The following M1AP variants were observed in gnomAD, a reference collection of about 807,000 sequenced individuals.
M1AP encodes meiosis 1 associated protein.
Under a neutral mutation model 51.2 loss-of-function variants are expected in M1AP, and 39 were observed. The ratio of observed to expected loss-of-function variants is 0.76; its 90% CI spans 0.59 to 1.00. The LOEUF (loss-of-function observed/expected upper bound fraction) is 1.00, where lower values mean the gene tolerates loss of function less well. M1AP is among the 50% of genes least tolerant of loss of function. The pLI is 0.00. For synonymous variants in M1AP, 251 were observed against 249.2 expected (o/e 1.01, Z -0.07); for missense variants, 545 against 641.2 (o/e 0.85, Z 1.62).
At chr2:74,560,036 G>A in intron 9 of M1AP, 115 bp downstream of exon 9, 5 of 1,183,008 alleles carry the variant, frequency 4.2e-6, no homozygotes, top group Middle Eastern at 2.8e-4. Flanking sequence ...CTGGAGGAAG[G>A]CTACTCCCTT....
chr2:74,583,316 C>T (rs1270364610), intron 4 of M1AP, among the ~76,000 whole-genome samples: 1 of 152,170 alleles, frequency 6.6e-6, no homozygotes, highest in African/African-American at 2.4e-5. Context: ...GAGCATCAGT[C>T]ATTGGCATAC....
At chr2:74,605,756 C>T (rs1310772404) in intron 4 of M1AP, among the ~76,000 whole-genome samples, 1 of 152,050 alleles carries the variant, frequency 6.6e-6, no homozygotes, top group Non-Finnish European at 1.5e-5. Context: ...AAAAAATTAG[C>T]TGGGCTTGGT....
At chr2:74,581,896 G>A (rs1679430541) in intron 4 of M1AP, 49 bp from the exon 5 acceptor site, 7 of 1,538,086 alleles carry the variant, frequency 4.6e-6, no homozygotes, top group South Asian at 1.2e-5. Context: ...TAAATTTTGA[G>A]TAATATAAAA....
intron 3 of M1AP, among the ~76,000 whole-genome samples, chr2:74,612,708 C>T (rs1213493944): frequency 6.6e-6 from 1 of 152,024 alleles, no homozygotes; most frequent in African/African-American, 2.4e-5. Flanking sequence ...ATTGTATATC[C>T]ATTTTCATTT....
intron 4 of M1AP, among the ~76,000 whole-genome samples, chr2:74,595,183 T>G (rs1680258938): frequency 1.3e-5 from 2 of 151,984 alleles, no homozygotes; most frequent in South Asian, 4.2e-4. Flanking sequence ...ACCTGGCTAA[T>G]TTTTTGATTT....
intron 7 of M1AP, among the ~76,000 whole-genome samples, chr2:74,571,179 G>C (rs1420078631): frequency 1.3e-5 from 2 of 152,192 alleles, no homozygotes; most frequent in African/African-American, 4.8e-5. Context: ...TACTGAAGAA[G>C]TCTTGGTGAG....
intron 4 of M1AP, among the ~76,000 whole-genome samples, chr2:74,595,400 G>A (rs1383661315): frequency 6.6e-6 from 1 of 152,098 alleles, no homozygotes; most frequent in Non-Finnish European, 1.5e-5. Context: ...CACCCAGGCT[G>A]GAGTGCAGTG....
At chr2:74,583,033 T>A (rs1679506255) in intron 4 of M1AP, among the ~76,000 whole-genome samples, 1 of 150,742 alleles carries the variant, frequency 6.6e-6, no homozygotes, top group African/African-American at 2.4e-5. Context: ...AATAAATAAA[T>A]AAAATAAATA....
At chr2:74,617,824 A>G (rs1268825339) in intron 2 of M1AP, among the ~76,000 whole-genome samples, 1 of 152,250 alleles carries the variant, frequency 6.6e-6, no homozygotes, top group African/African-American at 2.4e-5. Flanking sequence ...TATAATAAAT[A>G]TACAAATCCT....
At chr2:74,638,162 C>T (rs1553420441) in intron 2 of M1AP, among the ~76,000 whole-genome samples, 1 of 151,892 alleles carries the variant, frequency 6.6e-6, no homozygotes, top group Non-Finnish European at 1.5e-5. Context: ...TCAAGCGATT[C>T]TCCCGCCTCA....
chr2:74,562,535 C>T lies in M1AP; in HGVS notation c.1075-112G>A. 3 of 1,168,062 alleles carry T rather than the reference C, an allele frequency of 2.6e-6. No homozygotes were observed. In the South Asian group the frequency reaches 4.5e-5, roughly 18 times the overall value. The allele number at this position is 1,168,062 out of a possible 1,614,324, so 72.4% of individuals were successfully genotyped here. A position where few individuals can be genotyped will look rare whatever the true frequency, so the allele number is the denominator to read the frequency against. On this transcript the variant is annotated intron_variant, in intron 7 of 10. Transcript: ENST00000421985. The stretch of plus-strand genomic sequence containing the variant: ...TCCAGGGGTGCTGAGGAGGGCAGAG[C>T]CATTTAACTTCGGCCCTGGTAGGGA...
intron 4 of M1AP, among the ~76,000 whole-genome samples, chr2:74,596,586 G>GAAC (rs202200009): frequency 0.091 from 13,768 of 150,654 alleles, 874 homozygotes; most frequent in East Asian, 0.36. Context: ...CATCTCAAAA[G>GAAC]AACAACAACA....
chr2:74,615,181 C>T (rs747625755), intron 2 of M1AP, 32 bp from the exon 3 acceptor site: 11 of 1,594,298 alleles, frequency 6.9e-6, no homozygotes, highest in African/African-American at 1.3e-5. Context: ...AGACACAAGT[C>T]TTTAGGGACC....
chr2:74,564,742 C>A (rs1163017184), intron 7 of M1AP, among the ~76,000 whole-genome samples: 2 of 151,972 alleles, frequency 1.3e-5, no homozygotes, highest in African/African-American at 4.8e-5. Flanking sequence ...TTGGACCTGC[C>A]CCTGCTCTGA....
intron 4 of M1AP, among the ~76,000 whole-genome samples, chr2:74,586,117 C>T (rs1296112004): frequency 6.6e-6 from 1 of 152,214 alleles, no homozygotes; most frequent in Non-Finnish European, 1.5e-5. Context: ...GTTCAAATGT[C>T]ACCTCCTTCA....
At chr2:74,645,529 C>T (rs1169775731) in intron 1 of M1AP, among the ~76,000 whole-genome samples, 2 of 152,216 alleles carry the variant, frequency 1.3e-5, no homozygotes, top group African/African-American at 4.8e-5. Context: ...TTCCATAAGA[C>T]ATGCCCACCA....
At chr2:74,637,998 G>A (rs1393407138) in intron 2 of M1AP, among the ~76,000 whole-genome samples, 1 of 152,006 alleles carries the variant, frequency 6.6e-6, no homozygotes, top group Non-Finnish European at 1.5e-5. Flanking sequence ...CCCGCCCCTA[G>A]GTTCTCCCTC....
chr2:74,573,392 G>A (rs368088287), intron 7 of M1AP, among the ~76,000 whole-genome samples: 4 of 151,850 alleles, frequency 2.6e-5, no homozygotes, highest in Non-Finnish European at 4.4e-5. Flanking sequence ...TTGCTCTGTC[G>A]CCCAGGCTGG....
intron 1 of M1AP, chr2:74,647,350 C>T (rs1234710094): frequency 1.0e-6 from 1 of 985,216 alleles, no homozygotes; most frequent in Non-Finnish European, 1.2e-6. Context: ...AGGTTAGGGC[C>T]CCTTTACAAG....
Sources: gnomAD v4.1 joint callset for allele counts (sites outside exome capture counted in the v4.1 genomes callset) on GRCh38, gnomAD v4.1.1 for gene constraint, MANE v1.5 for transcripts, NCBI Gene and HGNC (gene_info 2026-07-23, HGNC 2026-07-21) for gene names.